Variants in SUMF1 observed in about 807,000 individuals in gnomAD.
SUMF1 encodes the protein formylglycine-generating enzyme.
A neutral mutation model predicts 47.6 loss-of-function variants in SUMF1; 48 were observed. That is an observed-to-expected ratio of 1.01 (90% CI 0.80 to 1.28). SUMF1 has a LOEUF of 1.28. SUMF1 is among the 50% of genes most tolerant of loss of function. SUMF1 has a pLI of 0.00. For synonymous variants in SUMF1, 230 were observed against 192.1 expected (o/e 1.20, Z -1.63); for missense variants, 571 against 485.4 (o/e 1.18, Z -1.66).
chr3:4,180,757 G>C (rs1351494374), intron 8 of SUMF1, among the ~76,000 whole-genome samples: 7 of 144,734 alleles, frequency 4.8e-5, no homozygotes, highest in Non-Finnish European at 7.5e-5. Flanking sequence ...GGAGGCTGAG[G>C]TGGAAAGATC....
intron 8 of SUMF1, among the ~76,000 whole-genome samples, chr3:4,097,977 C>G (rs73129164): frequency 0.12 from 17,718 of 152,156 alleles, 2,048 homozygotes; most frequent in African/African-American, 0.28. Context: ...CCTGACTACT[C>G]TCAGAAACAA....
chr3:4,332,708 T>A (rs947398679), intron 8 of SUMF1, among the ~76,000 whole-genome samples: 1 of 152,172 alleles, frequency 6.6e-6, no homozygotes, highest in African/African-American at 2.4e-5. Flanking sequence ...ACTGGCTTCA[T>A]GGTGATACAG....
chr3:4,392,610 T>C (rs1173280612), intron 7 of SUMF1, among the ~76,000 whole-genome samples: 1 of 93,946 alleles, frequency 1.1e-5, no homozygotes, highest in Non-Finnish European at 2.4e-5. Flanking sequence ...TGTGTGTGTG[T>C]GTGTGTATAT....
intron 7 of SUMF1, among the ~76,000 whole-genome samples, chr3:4,407,205 G>A (rs1395305012): frequency 6.6e-6 from 1 of 151,996 alleles, no homozygotes; most frequent in Admixed American, 6.6e-5. Flanking sequence ...TCCACAACCT[G>A]CTTTTGCCAT....
At chr3:4,155,657 T>C (rs1694436254) in intron 8 of SUMF1, among the ~76,000 whole-genome samples, 1 of 151,550 alleles carries the variant, frequency 6.6e-6, no homozygotes, top group Non-Finnish European at 1.5e-5. Flanking sequence ...CTCCTAGCCT[T>C]CACAACAAAT....
chr3:4,316,540 T>C (rs754049733), intron 8 of SUMF1: 1 of 1,565,756 alleles, frequency 6.4e-7, no homozygotes, highest in East Asian at 2.4e-5. Context: ...TTGAAGCAAA[T>C]TGGAAAGGTG....
At chr3:4,165,773 G>A (rs1038802031) in intron 8 of SUMF1, among the ~76,000 whole-genome samples, 5 of 151,724 alleles carry the variant, frequency 3.3e-5, no homozygotes, top group Non-Finnish European at 7.4e-5. Context: ...GGCCCCAATG[G>A]CTTAGGATGC....
At chr3:4,069,199 A>T (rs1695455426) in intron 8 of SUMF1, among the ~76,000 whole-genome samples, 2 of 148,552 alleles carry the variant, frequency 1.3e-5, no homozygotes. Flanking sequence ...TGTTTATGGC[A>T]TGTAACAGGC....
intron 8 of SUMF1, among the ~76,000 whole-genome samples, chr3:4,117,469 T>C (rs1464467610): frequency 6.6e-6 from 1 of 152,130 alleles, no homozygotes. Flanking sequence ...AGCTTCTTCC[T>C]TATCTTTTCT....
chr3:4,364,833 A>T (rs1348092419), intron 8 of SUMF1, among the ~76,000 whole-genome samples: 1 of 151,266 alleles, frequency 6.6e-6, no homozygotes, highest in Non-Finnish European at 1.5e-5. Flanking sequence ...TCAATTTTGG[A>T]TCTTTCCTGC....
In SUMF1 at chr3:4,363,885, T is replaced by C. The variant is rs900714264; in HGVS notation, c.1015-1631A>G. On this transcript the variant is annotated intron_variant, in intron 8 of 8. Transcript: ENST00000272902. ...CTGTCATAGATAGCTCTTATTATTTTGAGATACATCCCATCAATACCTAAT... is the reference window on the plus strand; with the variant it reads ...CTGTCATAGATAGCTCTTATTATTTCGAGATACATCCCATCAATACCTAAT... Among the ~76,000 whole-genome samples the C allele has an allele frequency of 5.2e-4, 75 of 143,732 alleles. 1 individual carries two copies. Among genetic ancestry groups the C allele is most frequent in the African/African-American group, 2.0e-3 (74 of 37,104 alleles). 94.3% of individuals were successfully genotyped at this position (143,732 alleles called of 152,430 possible). A position where few individuals can be genotyped will look rare whatever the true frequency, so the allele number is the denominator to read the frequency against.
At chr3:4,394,474 T>C (rs761040429) in intron 7 of SUMF1, among the ~76,000 whole-genome samples, 4 of 152,152 alleles carry the variant, frequency 2.6e-5, no homozygotes, top group Admixed American at 6.5e-5. Context: ...TGAAGTTTTC[T>C]AGGGAAAAAA....
intron 9 of SUMF1, among the ~76,000 whole-genome samples, chr3:4,035,574 G>C (rs1414323287): frequency 6.6e-6 from 1 of 152,158 alleles, no homozygotes; most frequent in Non-Finnish European, 1.5e-5. Flanking sequence ...ATTCACAGAA[G>C]ATTAGGACAA....
intron 9 of SUMF1, among the ~76,000 whole-genome samples, chr3:4,055,147 A>G (rs1695169339): frequency 6.6e-6 from 1 of 152,182 alleles, no homozygotes; most frequent in African/African-American, 2.4e-5. Flanking sequence ...TAATGCATAC[A>G]GTGAAAAGGC....
At chr3:4,196,764 A>G (rs749608321) in intron 8 of SUMF1, among the ~76,000 whole-genome samples, 53 of 152,268 alleles carry the variant, frequency 3.5e-4, no homozygotes, top group Non-Finnish European at 6.6e-4. Flanking sequence ...CAATGTATCC[A>G]TCTCACCCTT....
chr3:4,139,054 A>T (rs371606375), intron 8 of SUMF1, among the ~76,000 whole-genome samples: 5 of 152,140 alleles, frequency 3.3e-5, no homozygotes, highest in African/African-American at 1.2e-4. Context: ...AAATGCTATG[A>T]ATCAGAGCTT....
At chr3:4,162,337 T>C (rs1694598608) in intron 8 of SUMF1, among the ~76,000 whole-genome samples, 1 of 152,116 alleles carries the variant, frequency 6.6e-6, no homozygotes, top group East Asian at 1.9e-4. Context: ...AGGTTGCATG[T>C]CCCCCAGATC....
At chr3:4,044,495 G>C (rs1398686275) in intron 9 of SUMF1, among the ~76,000 whole-genome samples, 2 of 152,274 alleles carry the variant, frequency 1.3e-5, no homozygotes, top group Non-Finnish European at 2.9e-5. Flanking sequence ...TGAGTATGAG[G>C]CTTCATAAGA....
At chr3:4,138,877 C>G (rs1486546439) in intron 8 of SUMF1, among the ~76,000 whole-genome samples, 1 of 152,044 alleles carries the variant, frequency 6.6e-6, no homozygotes, top group African/African-American at 2.4e-5. Flanking sequence ...TTGCAGCCAG[C>G]TGATGCGATG....
Sources: gnomAD v4.1 joint callset for allele counts (sites outside exome capture counted in the v4.1 genomes callset) on GRCh38, gnomAD v4.1.1 for gene constraint, MANE v1.5 for transcripts, NCBI Gene and HGNC (gene_info 2026-07-23, HGNC 2026-07-21) for gene names.